The following DOCK10 variants were observed in gnomAD, a reference collection of about 807,000 sequenced individuals.
The protein encoded by DOCK10 is dedicator of cytokinesis 10, also known as dedicator of cytokinesis protein 10.
A neutral mutation model predicts 280.1 loss-of-function variants in DOCK10; 145 were observed. The ratio of observed to expected loss-of-function variants is 0.52; its 90% CI spans 0.45 to 0.59. The LOEUF (loss-of-function observed/expected upper bound fraction) is 0.59, where lower values mean the gene tolerates loss of function less well. Ranked by LOEUF, DOCK10 falls within the 20% of genes least tolerant of loss-of-function variation. DOCK10 has a pLI of 0.00. For synonymous variants in DOCK10, 915 were observed against 942.2 expected (o/e 0.97, Z 0.53); for missense variants, 2,368 against 2,651.7 (o/e 0.89, Z 2.35).
rs1278067613 is a variant in DOCK10, at chr2:224,868,413, T to TA, written c.1258-3327dup. 4.6e-5 allele frequency among the ~76,000 whole-genome samples: 7 copies of TA among 152,354 alleles called. 1 individual carries two copies. The highest frequency in any genetic ancestry group is 1.7e-4 in the African/African-American group (7 of 41,600). On this transcript the variant is annotated intron_variant, in intron 11 of 55. Transcript: ENST00000258390. ...TATGTGATTAAAGTTGGAATACGCCTATAAAAACTAGCATTTTTACTGTTT... is the reference window on the plus strand; with the variant it reads ...TATGTGATTAAAGTTGGAATACGCCTAATAAAAACTAGCATTTTTACTGTTT...
chr2:225,015,731 A>G (rs1250780130), intron 1 of DOCK10, among the ~76,000 whole-genome samples: 1 of 151,904 alleles, frequency 6.6e-6, no homozygotes, highest in Non-Finnish European at 1.5e-5. Flanking sequence ...TAGACGCGCT[A>G]TTTCTTTCTT....
chr2:224,897,585 C>G (rs1056918363), intron 3 of DOCK10, among the ~76,000 whole-genome samples: 11 of 152,126 alleles, frequency 7.2e-5, no homozygotes, highest in African/African-American at 2.7e-4. Context: ...CCTTCTACTC[C>G]CTTTCTCTGT....
chr2:224,897,992 G>T (rs1575018287), intron 3 of DOCK10, among the ~76,000 whole-genome samples: 1 of 152,132 alleles, frequency 6.6e-6, no homozygotes, highest in Non-Finnish European at 1.5e-5. Context: ...TTAGCATTAG[G>T]GGGAAAATGA....
At chr2:224,804,909 G>C in intron 37 of DOCK10, 68 bp from the exon 38 acceptor site, 2 of 1,290,542 alleles carry the variant, frequency 1.5e-6, no homozygotes, top group Non-Finnish European at 2.1e-6. Flanking sequence ...GTTCATCTAA[G>C]TATATTGAAA....
In DOCK10 at chr2:224,916,551, A is replaced by G. The variant is rs1352862930; in HGVS notation, c.333+144T>C. On this transcript the variant is annotated intron_variant, in intron 3 of 55. Coordinates refer to ENST00000258390, the MANE Select transcript of DOCK10 (RefSeq NM_014689.3). ...GTGACACCCTCCCTCAAAAAAAAAA[A>G]AAAAAAAAAAAGACATCCACTAGTT... 5.2e-5 allele frequency: 29 copies of G among 560,336 alleles called. 1 individual carries two copies. Among genetic ancestry groups the G allele is most frequent in the Non-Finnish European group, 7.8e-5 (26 of 331,804 alleles). The allele number at this position is 560,336 out of a possible 1,614,324, so 34.7% of individuals were successfully genotyped here. A position where few individuals can be genotyped will look rare whatever the true frequency, so the allele number is the denominator to read the frequency against.
At chr2:225,014,222 A>G (rs1689530826) in intron 1 of DOCK10, among the ~76,000 whole-genome samples, 1 of 151,234 alleles carries the variant, frequency 6.6e-6, no homozygotes, top group African/African-American at 2.4e-5. Flanking sequence ...ATTTTTGATG[A>G]TATCATCTGT....
chr2:224,966,809 C>CCATAAA (rs1704770837), intron 1 of DOCK10, among the ~76,000 whole-genome samples: 1 of 151,904 alleles, frequency 6.6e-6, no homozygotes, highest in Non-Finnish European at 1.5e-5. Context: ...TTTATTGAGG[C>CCATAAA]TGTGAACAAA....
chr2:224,932,931 T>C (rs1702478021), intron 1 of DOCK10, among the ~76,000 whole-genome samples: 1 of 152,066 alleles, frequency 6.6e-6, no homozygotes. Context: ...AATGTGAACA[T>C]AGTGGGCCAA....
intron 1 of DOCK10, among the ~76,000 whole-genome samples, chr2:224,944,004 C>T (rs994205657): frequency 2.0e-5 from 3 of 152,108 alleles, no homozygotes; most frequent in African/African-American, 7.2e-5. Flanking sequence ...ACCTTGTGAT[C>T]CACTTGCCTT....
At chr2:224,961,466 C>CTT (rs1553623602) in intron 1 of DOCK10, among the ~76,000 whole-genome samples, 1 of 48,152 alleles carries the variant, frequency 2.1e-5, no homozygotes. Flanking sequence ...TTCTTTCTTT[C>CTT]TTTTTCTTTC....
At chr2:224,971,164 C>T (rs1484162472) in intron 1 of DOCK10, among the ~76,000 whole-genome samples, 1 of 152,142 alleles carries the variant, frequency 6.6e-6, no homozygotes, top group South Asian at 2.1e-4. Flanking sequence ...AAAACCCTGA[C>T]TTTTAAAGAG....
intron 27 of DOCK10, among the ~76,000 whole-genome samples, chr2:224,826,435 A>G (rs1242367368): frequency 1.3e-5 from 2 of 152,166 alleles, no homozygotes; most frequent in African/African-American, 2.4e-5. Context: ...ACTAAACCAG[A>G]TATCTCCCCT....
intron 25 of DOCK10, among the ~76,000 whole-genome samples, chr2:224,835,834 G>A (rs1695558860): frequency 6.6e-6 from 1 of 152,214 alleles, no homozygotes; most frequent in African/African-American, 2.4e-5. Flanking sequence ...CCACATAGGT[G>A]TATTTTTGGA....
intron 17 of DOCK10, 86 bp from the exon 18 acceptor site, chr2:224,852,528 A>G: frequency 1.0e-6 from 1 of 998,450 alleles, no homozygotes; most frequent in Non-Finnish European, 1.5e-6. Flanking sequence ...AGTAGCTTCT[A>G]ATTAATCCAA....
chr2:224,927,222 G>T (rs767633604), intron 2 of DOCK10, among the ~76,000 whole-genome samples: 1 of 152,120 alleles, frequency 6.6e-6, no homozygotes, highest in Non-Finnish European at 1.5e-5. Context: ...AAGAATGCTT[G>T]ATGTCTGTGC....
chr2:224,879,055 A>G (rs1209831589), intron 7 of DOCK10, among the ~76,000 whole-genome samples: 2 of 152,232 alleles, frequency 1.3e-5, no homozygotes, highest in Non-Finnish European at 2.9e-5. Flanking sequence ...GTTTTGAAAA[A>G]GAGGTACTGG....
chr2:224,804,950 A>G, intron 37 of DOCK10, 108 bp downstream of exon 37: 1 of 1,241,850 alleles, frequency 8.1e-7, no homozygotes, highest in Non-Finnish European at 1.1e-6. Context: ...TAAATAGTTC[A>G]TATATTATTG....
chr2:224,951,455 A>G (rs939292952), intron 1 of DOCK10, among the ~76,000 whole-genome samples: 5 of 152,222 alleles, frequency 3.3e-5, no homozygotes, highest in Non-Finnish European at 7.3e-5. Context: ...TCCAGTCAGA[A>G]AGTAAGTTTG....
chr2:225,037,694 T>C (rs1218125296), intron 1 of DOCK10, among the ~76,000 whole-genome samples: 2 of 152,234 alleles, frequency 1.3e-5, no homozygotes, highest in Admixed American at 6.5e-5. Flanking sequence ...GCCAGGCACA[T>C]CGTACATTCT....
Sources: gnomAD v4.1 joint callset for allele counts (sites outside exome capture counted in the v4.1 genomes callset) on GRCh38, gnomAD v4.1.1 for gene constraint, MANE v1.5 for transcripts, NCBI Gene and HGNC (gene_info 2026-07-23, HGNC 2026-07-21) for gene names.